BRD2: variants seen among roughly 807,000 people sequenced by gnomAD.
BRD2 encodes the protein bromodomain-containing protein 2.
Under a neutral mutation model 79.1 loss-of-function variants are expected in BRD2, and 15 were observed. The ratio of observed to expected loss-of-function variants is 0.19; its 90% CI spans 0.13 to 0.29. The LOEUF (loss-of-function observed/expected upper bound fraction) is 0.29, where lower values mean the gene tolerates loss of function less well. Among genes scored for constraint, BRD2 ranks in the 10% least tolerant of loss-of-function variants. The pLI is 1.00. For synonymous variants in BRD2, 488 were observed against 358.6 expected (o/e 1.36, Z -4.08); for missense variants, 1,053 against 991.3 (o/e 1.06, Z -0.84).
chr6:32,972,504 A>G lies in BRD2; in HGVS notation c.-395A>G. ...CCACTTTTCGTGTTCATCCGCCTCC[A>G]TCCGAGATCGAAACGGGACCTCGTC... On this transcript the variant is annotated 5_prime_UTR_variant, in exon 2 of 13. Coordinates refer to ENST00000374825, the MANE Select transcript of BRD2 (RefSeq NM_005104.4). 1 of 327,966 alleles carries G rather than the reference A, an allele frequency of 3.0e-6. No homozygotes were observed. The highest frequency in any genetic ancestry group is 5.7e-6 in the Non-Finnish European group (1 of 175,364). The allele number at this position is 327,966 out of a possible 1,614,324, so 20.3% of individuals were successfully genotyped here.
chr6:32,969,022 A>C lies in BRD2; in HGVS notation c.-1339A>C. On this transcript the variant is annotated 5_prime_UTR_variant, in exon 1 of 13. Transcript: ENST00000374825. ...CATACCCCGTACCAAGCCGAGGGCAACTTTGGAGGCCCCCTGGAAGGCTTT... is the reference window on the plus strand; with the variant it reads ...CATACCCCGTACCAAGCCGAGGGCACCTTTGGAGGCCCCCTGGAAGGCTTT... The C allele has an allele frequency of 8.9e-6, 3 of 337,846 alleles. No individual in the cohort carries two copies. The highest frequency in any genetic ancestry group is 4.6e-5 in the East Asian group (1 of 21,552). The allele number at this position is 337,846 out of a possible 1,614,324, so 20.9% of individuals were successfully genotyped here.
At chr6:32,973,114 G>C in intron 2 of BRD2, 187 bp downstream of exon 2, 1 of 1,555,260 alleles carries the variant, frequency 6.4e-7, no homozygotes, top group Non-Finnish European at 8.7e-7. Context: ...GCTACTGCTC[G>C]TGGAGGGGAA....
At chr6:32,974,404 A>T in intron 2 of BRD2, 58 bp from the exon 3 acceptor site, 3 of 1,532,546 alleles carry the variant, frequency 2.0e-6, no homozygotes, top group Non-Finnish European at 2.7e-6. Flanking sequence ...ACTATTGTGC[A>T]GATGCACTTT....
At chr6:32,975,058 A>G (rs1778544516) in intron 3 of BRD2, 3 of 1,520,884 alleles carry the variant, frequency 2.0e-6, no homozygotes, top group Non-Finnish European at 2.6e-6. Context: ...ACGGTGGCCA[A>G]AATTCTTAGC....
At chr6:32,969,433 G>A in intron 1 of BRD2, 1 of 704,690 alleles carries the variant, frequency 1.4e-6, no homozygotes, top group Admixed American at 2.1e-5. Flanking sequence ...CCCTACCCGT[G>A]GATGTGAATG....
rs1349956716 is a variant in BRD2, at chr6:32,973,067, A to G, written c.29+140A>G. ...GCTGTCGACTCGGTCGCGCGGAGGG[A>G]ATTGAGCGACGGTTTTGGAACGGTG... On this transcript the variant is annotated intron_variant, in intron 2 of 12. Coordinates refer to ENST00000374825, the MANE Select transcript of BRD2 (RefSeq NM_005104.4). The G allele has an allele frequency of 4.4e-6, 7 of 1,591,744 alleles. No homozygotes were observed. The African/African-American group carries it at 5.4e-5, about 12-fold the overall frequency.
rs1304804195 is a variant in BRD2, at chr6:32,972,041, G to C, written c.-858G>C. On this transcript the variant is annotated 5_prime_UTR_variant, in exon 2 of 13. Coordinates refer to ENST00000374825, the MANE Select transcript of BRD2 (RefSeq NM_005104.4). The stretch of plus-strand genomic sequence containing the variant: ...GGCCAATAGAAAAAGCTCCCGCGGA[G>C]AGGTGTTCCTTCCCCTTCGACTCAG... 7.1e-6 allele frequency: 5 copies of C among 701,780 alleles called. No homozygotes were observed. Among genetic ancestry groups the C allele is most frequent in the Non-Finnish European group, 1.3e-5 (5 of 384,794 alleles). The allele number at this position is 701,780 out of a possible 1,614,324, so 43.5% of individuals were successfully genotyped here.
chr6:32,975,307 T>TGTGTGTGA (rs374509842), intron 3 of BRD2, 77 bp from the exon 4 acceptor site: 43 of 1,152,826 alleles, frequency 3.7e-5, no homozygotes, highest in African/African-American at 2.2e-4. Flanking sequence ...TGTGTGTGTG[T>TGTGTGTGA]GTGAGAGTCG....
intron 1 of BRD2, chr6:32,970,894 G>GGAGGGC (rs1393732069): frequency 6.6e-6 from 1 of 152,380 alleles, no homozygotes; most frequent in African/African-American, 2.4e-5. Flanking sequence ...GGGAGGAGGG[G>GGAGGGC]GAGGGCTAGT....
Position 32,976,594 on chromosome 6 carries a change from C to T in BRD2, c.858C>T (p.Thr286=). The part of the protein sequence containing the change: ...KKGVKRKADT[T]TPTPTAILAP... ...GCGTAAAGCGGAAAGCAGATACTAC[C>T]ACCCCTACACCTACAGCCATCTTGG... Residue 286 remains threonine (T), a synonymous_variant, in exon 7 of 13, where the codon ACC becomes ACT. Coordinates refer to ENST00000374825, the MANE Select transcript of BRD2 (RefSeq NM_005104.4). The T allele has an allele frequency of 6.2e-7, 1 of 1,603,488 alleles. No individual in the cohort carries two copies. Among genetic ancestry groups the T allele is most frequent in the Non-Finnish European group, 8.5e-7 (1 of 1,175,866 alleles).
At chr6:32,974,374 C>G (rs1205314458) in intron 2 of BRD2, 88 bp from the exon 3 acceptor site, 2 of 1,375,244 alleles carry the variant, frequency 1.5e-6, no homozygotes, top group African/African-American at 1.4e-5. Context: ...CTCACTAGGG[C>G]CAGCACCTGG....
Position 32,972,679 on chromosome 6 carries a change from C to G in BRD2, c.-220C>G. 1.6e-6 allele frequency: 1 copy of G among 640,204 alleles called. No individual in the cohort carries two copies. Among genetic ancestry groups the G allele is most frequent in the East Asian group, 2.7e-5 (1 of 36,426 alleles). 39.7% of individuals were successfully genotyped at this position (640,204 alleles called of 1,614,324 possible). On this transcript the variant is annotated 5_prime_UTR_variant, in exon 2 of 13. Transcript: ENST00000374825. ...AGCTGAGGCCGCCGCCATTTTCTTG[C>G]TGTCCGCCGTCTGCAGAGCGCGCCA...
chr6:32,974,543 T>C lies in BRD2; in HGVS notation c.111T>C (p.Ser37=). ...CAGGGAAGAGGATTCGAAAACCCTC[T>C]CTCTTGTATGAGGGCTTTGAGAGCC... is the stretch of plus-strand genomic sequence containing the variant. ...AAPGKRIRKP[S]LLYEGFESPT... The change falls in exon 3 of 13, where the codon TCT becomes TCC. Residue 37 remains serine, a synonymous_variant. Coordinates refer to ENST00000374825, the MANE Select transcript of BRD2 (RefSeq NM_005104.4). The C allele has an allele frequency of 6.2e-7, 1 of 1,614,200 alleles. No individual in the cohort carries two copies.
In BRD2 at chr6:32,972,201, A is replaced by T. The variant is rs1778091889; in HGVS notation, c.-698A>T. The T allele has an allele frequency of 1.8e-6, 1 of 546,022 alleles. No individual in the cohort carries two copies. The highest frequency in any genetic ancestry group is 1.9e-5 in the African/African-American group (1 of 52,726). 33.8% of individuals were successfully genotyped at this position (546,022 alleles called of 1,614,324 possible). ...GGCTGGCGCGGGGCTCGGCGGCGCCATTTCGTGCTGGAGTGGAGCAGCCTC... is the reference window on the plus strand; with the variant it reads ...GGCTGGCGCGGGGCTCGGCGGCGCCTTTTCGTGCTGGAGTGGAGCAGCCTC... On this transcript the variant is annotated 5_prime_UTR_variant, in exon 2 of 13. Transcript: ENST00000374825.
chr6:32,972,326 C>T lies in BRD2; in HGVS notation c.-573C>T, dbSNP rs1473286336. On this transcript the variant is annotated 5_prime_UTR_variant, in exon 2 of 13. Coordinates refer to ENST00000374825, the MANE Select transcript of BRD2 (RefSeq NM_005104.4). ...CCATCCGCTTGGAAATGGCCTTCGT[C>T]CCGGCCTATGACTGGTCCCAGCGGG... 3.4e-5 allele frequency: 13 copies of T among 382,676 alleles called. 1 individual carries two copies. In the Middle Eastern group the frequency reaches 2.6e-3, roughly 75 times the overall value. The allele number at this position is 382,676 out of a possible 1,614,324, so 23.7% of individuals were successfully genotyped here.
intron 1 of BRD2, 35 bp from the exon 2 acceptor site, chr6:32,971,560 C>A (rs560435741): frequency 1.5e-5 from 7 of 458,152 alleles, no homozygotes; most frequent in African/African-American, 1.2e-4. Context: ...GAGCAGGCCG[C>A]GGCTTCTAAG....
At chr6:32,969,677 G>A (rs1417309267) in intron 1 of BRD2, among the ~76,000 whole-genome samples, 1 of 152,332 alleles carries the variant, frequency 6.6e-6, no homozygotes, top group African/African-American at 2.4e-5. Context: ...TCTTTACTGA[G>A]CACGTGTCTA....
intron 4 of BRD2, among the ~76,000 whole-genome samples, 185 bp downstream of exon 4, chr6:32,975,706 C>T (rs149972553): frequency 6.6e-6 from 1 of 152,320 alleles, no homozygotes; most frequent in East Asian, 1.9e-4. Context: ...GACTTCAGAG[C>T]TCTAGTTGAA....
rs1561939340 is a variant in BRD2, at chr6:32,975,370, A to G, written c.334-14A>G. ...TATTTTTCTGTGGTTCTGACCTAAC[A>G]TTTTTTTATTTAGGATTATCACAAA... On this transcript the variant is annotated splice_polypyrimidine_tract_variant and intron_variant, in intron 3 of 12. Transcript: ENST00000374825. The G allele has an allele frequency of 1.9e-6, 3 of 1,596,184 alleles. No individual in the cohort carries two copies. The highest frequency in any genetic ancestry group is 1.1e-5 in the South Asian group (1 of 89,698).
Sources: allele counts gnomAD v4.1 joint callset (sites outside exome capture counted in the v4.1 genomes callset), GRCh38; gene constraint gnomAD v4.1.1; transcripts MANE v1.5; gene names NCBI Gene and HGNC (gene_info 2026-07-23, HGNC 2026-07-21).